Variants in WNT3 observed in about 807,000 individuals in gnomAD.
WNT3 encodes the protein Wnt family member 3.
Under a neutral mutation model 34.2 loss-of-function variants are expected in WNT3, and 7 were observed. The ratio of observed to expected loss-of-function variants is 0.20; its 90% CI spans 0.12 to 0.38. The LOEUF (loss-of-function observed/expected upper bound fraction) is 0.38. WNT3 is among the 10% of genes least tolerant of loss of function. WNT3 has a pLI of 1.00. For synonymous variants in WNT3, 212 were observed against 211.5 expected (o/e 1.00, Z -0.02); for missense variants, 267 against 499.8 (o/e 0.53, Z 4.44).
chr17:46,787,976 G>C (rs898059180), intron 1 of WNT3, among the ~76,000 whole-genome samples: 3 of 146,720 alleles, frequency 2.0e-5, no homozygotes, highest in Non-Finnish European at 3.0e-5. Flanking sequence ...AAAAAAAAAA[G>C]ATGTAGCCTC....
At chr17:46,804,338 C>T (rs1263677961) in intron 1 of WNT3, among the ~76,000 whole-genome samples, 2 of 152,164 alleles carry the variant, frequency 1.3e-5, no homozygotes, top group Admixed American at 6.5e-5. Context: ...CTGCCTGCCT[C>T]GGCCTCCCAA....
intron 1 of WNT3, among the ~76,000 whole-genome samples, chr17:46,815,209 T>C (rs1394614215): frequency 1.3e-5 from 2 of 151,644 alleles, no homozygotes; most frequent in Non-Finnish European, 2.9e-5. Context: ...GACAAGTTTC[T>C]CCACCAGGAG....
chr17:46,785,056 C>T (rs549401117), intron 1 of WNT3, among the ~76,000 whole-genome samples: 28 of 152,114 alleles, frequency 1.8e-4, no homozygotes, highest in Non-Finnish European at 2.9e-4. Context: ...GGATTACAGG[C>T]GTGAGCCACC....
At chr17:46,793,213 G>T (rs759016663) in intron 1 of WNT3, among the ~76,000 whole-genome samples, 2 of 141,222 alleles carry the variant, frequency 1.4e-5, no homozygotes, top group Non-Finnish European at 3.0e-5. Flanking sequence ...GGTCAAGGCT[G>T]CAGTGAGCCA....
intron 1 of WNT3, among the ~76,000 whole-genome samples, chr17:46,784,852 T>C (rs1263262324): frequency 1.3e-5 from 2 of 150,580 alleles, no homozygotes; most frequent in African/African-American, 2.4e-5. Context: ...CTCGGGTCAC[T>C]GCAAGCTCCA....
At chr17:46,801,705 G>A (rs965693716) in intron 1 of WNT3, among the ~76,000 whole-genome samples, 3 of 152,178 alleles carry the variant, frequency 2.0e-5, no homozygotes, top group East Asian at 1.9e-4. Flanking sequence ...GATCCGTTGA[G>A]GCTGAGAAAG....
At chr17:46,770,097 G>T (rs1477808491) in intron 2 of WNT3, 49 bp from the exon 3 acceptor site, 1 of 1,493,062 alleles carries the variant, frequency 6.7e-7, no homozygotes, top group East Asian at 2.5e-5. Flanking sequence ...GCCTGGGAGC[G>T]CCTGCCCTGC....
Position 46,768,611 on chromosome 17 carries a change from G to A in WNT3, c.777C>T (p.Leu259=). Residue 259 remains leucine (L), a synonymous_variant, in exon 4 of 5, where the codon CTC becomes CTT. Transcript: ENST00000225512. The surrounding 1 kb of genome is among the most constrained non-coding windows in gnomAD (Gnocchi z 5.0). Reference sequence around the variant, plus strand: ...GCTTGAAGAGCGAGTACTTGGCCCGGAGGGTCTCCACCCAGCCTCGGGACT... The same window carrying A: ...GCTTGAAGAGCGAGTACTTGGCCCGAAGGGTCTCCACCCAGCCTCGGGACT... ...HRESRGWVET[L]RAKYSLFKPP... is the part of the protein sequence containing the mutation. 1 of 1,614,178 alleles carries A rather than the reference G, an allele frequency of 6.2e-7. No individual in the cohort carries two copies. Among genetic ancestry groups the A allele is most frequent in the Non-Finnish European group, 8.5e-7 (1 of 1,180,040 alleles).
intron 1 of WNT3, among the ~76,000 whole-genome samples, chr17:46,811,037 C>G (rs2084267697): frequency 6.6e-6 from 1 of 152,100 alleles, no homozygotes; most frequent in South Asian, 2.1e-4. Context: ...TTGAGAAGGC[C>G]CGCCTCAGGG....
intron 1 of WNT3, among the ~76,000 whole-genome samples, chr17:46,803,917 G>C (rs1053416295): frequency 6.6e-6 from 1 of 152,154 alleles, no homozygotes; most frequent in Admixed American, 6.5e-5. Flanking sequence ...GGCTGTAGGC[G>C]GGCATTTCTC....
chr17:46,772,467 G>T (rs1268875084), intron 2 of WNT3, among the ~76,000 whole-genome samples: 1 of 152,210 alleles, frequency 6.6e-6, no homozygotes, highest in Admixed American at 6.5e-5. Context: ...TTGATTCAGC[G>T]CTACCTGGCC....
intron 4 of WNT3, among the ~76,000 whole-genome samples, chr17:46,766,630 G>A (rs918343515): frequency 3.3e-5 from 5 of 152,068 alleles, no homozygotes; most frequent in African/African-American, 9.7e-5. Context: ...GAGCTACACC[G>A]AGGGGCTTCC....
intron 2 of WNT3, among the ~76,000 whole-genome samples, chr17:46,772,136 C>G (rs1239717498): frequency 6.6e-6 from 1 of 152,150 alleles, no homozygotes; most frequent in Non-Finnish European, 1.5e-5. Flanking sequence ...TGGGCGCGAA[C>G]CTGGGTTCAA....
chr17:46,816,137 A>ACACG (rs1322499659), intron 1 of WNT3, among the ~76,000 whole-genome samples: 7 of 43,500 alleles, frequency 1.6e-4, no homozygotes, highest in Middle Eastern at 9.4e-3. Context: ...ACACTCACAC[A>ACACG]CACGCACGCA....
At chr17:46,781,651 C>T (rs540804311) in intron 1 of WNT3, among the ~76,000 whole-genome samples, 29 of 152,232 alleles carry the variant, frequency 1.9e-4, no homozygotes, top group Admixed American at 6.5e-4. Flanking sequence ...TGAAAACAGA[C>T]GGTGGTGATG....
chr17:46,800,837 C>T (rs1001182828), intron 1 of WNT3, among the ~76,000 whole-genome samples: 1 of 152,148 alleles, frequency 6.6e-6, no homozygotes, highest in Non-Finnish European at 1.5e-5. Flanking sequence ...AGGGCCTTTG[C>T]TGGGGCCGCG....
intron 1 of WNT3, among the ~76,000 whole-genome samples, chr17:46,776,171 G>A (rs1476504442): frequency 6.6e-6 from 1 of 152,198 alleles, no homozygotes; most frequent in African/African-American, 2.4e-5. Flanking sequence ...TCATCACTAT[G>A]TGACCCTGCC....
At chr17:46,794,089 G>C (rs777373066) in intron 1 of WNT3, among the ~76,000 whole-genome samples, 4 of 152,256 alleles carry the variant, frequency 2.6e-5, no homozygotes, top group Admixed American at 6.5e-5. Flanking sequence ...GGTTAGCAAG[G>C]GGACAGCCAG....
At chr17:46,785,797 T>C (rs2059499546) in intron 1 of WNT3, among the ~76,000 whole-genome samples, 2 of 150,900 alleles carry the variant, frequency 1.3e-5, no homozygotes, top group Admixed American at 1.3e-4. Context: ...GCGGGCCCTG[T>C]GCTCCATCCC....
Sources: allele counts gnomAD v4.1 joint callset (sites outside exome capture counted in the v4.1 genomes callset), GRCh38; gene constraint gnomAD v4.1.1; non-coding constraint Gnocchi (gnomAD v3.1); transcripts MANE v1.5; gene names NCBI Gene and HGNC (gene_info 2026-07-23, HGNC 2026-07-21).